FGL1: variants seen among roughly 807,000 people sequenced by gnomAD.
FGL1 encodes the protein fibrinogen-like protein 1.
FGL1 carries 59 observed loss-of-function variants against 43.7 expected under a neutral mutation model. The ratio of observed to expected loss-of-function variants is 1.35; its 90% CI spans 1.10 to 1.68. The LOEUF (loss-of-function observed/expected upper bound fraction) is 1.68, where lower values mean the gene tolerates loss of function less well. Ranked by LOEUF, FGL1 falls within the 40% of genes most tolerant of loss-of-function variation. The pLI, the probability that FGL1 is intolerant of heterozygous loss-of-function variation, is 0.00. For missense variants in FGL1, 596 were observed against 373.0 expected, an observed-to-expected ratio of 1.60 and a Z score of -4.92; for synonymous variants, 192 against 126.5, an observed-to-expected ratio of 1.52 and a Z score of -3.48.
intron 7 of FGL1, 70 bp from the exon 8 acceptor site, chr8:17,864,821 T>C (rs1002018540): frequency 1.4e-5 from 18 of 1,262,762 alleles, no homozygotes; most frequent in Non-Finnish European, 1.7e-5. Flanking sequence ...ATCCCTTTTA[T>C]TTTGCTACAA....
chr8:17,864,970 G>C (rs1002516771), intron 7 of FGL1, among the ~76,000 whole-genome samples: 5 of 150,950 alleles, frequency 3.3e-5, no homozygotes, highest in African/African-American at 9.8e-5. Context: ...TTTAATAATA[G>C]AGACAGTGTC....
intron 5 of FGL1, among the ~76,000 whole-genome samples, chr8:17,871,787 G>A (rs2053365998): frequency 6.6e-6 from 1 of 152,114 alleles, no homozygotes; most frequent in Non-Finnish European, 1.5e-5. Context: ...CCCAGGAACT[G>A]AAAAACACGT....
chr8:17,881,074 A>C (rs147314205), intron 3 of FGL1, among the ~76,000 whole-genome samples: 93 of 152,270 alleles, frequency 6.1e-4, no homozygotes, highest in African/African-American at 2.0e-3. Context: ...GCAACAAGGA[A>C]AGATACACAA....
rs575503659 is a variant in FGL1, at chr8:17,881,599, C to T, written c.244+400G>A. ...CTGTAATCCCAGCACTTTGGGAGGC[C>T]GAGGCAGGCGAATCACAAGGTCAGG... On this transcript the variant is annotated intron_variant, in intron 3 of 7. Coordinates refer to ENST00000427924, the MANE Select transcript of FGL1 (RefSeq NM_004467.4). 1.8e-3 allele frequency among the ~76,000 whole-genome samples: 271 copies of T among 151,222 alleles called. 1 individual carries two copies. The highest frequency in any genetic ancestry group is 7.1e-3 in the South Asian group (34 of 4,794).
At chr8:17,870,140 A>G (rs951783770) in intron 5 of FGL1, among the ~76,000 whole-genome samples, 1 of 152,110 alleles carries the variant, frequency 6.6e-6, no homozygotes. Flanking sequence ...AAAAAAGAAT[A>G]CAATGTATTG....
chr8:17,881,418 A>G (rs1006010229), intron 3 of FGL1, among the ~76,000 whole-genome samples: 1 of 150,950 alleles, frequency 6.6e-6, no homozygotes, highest in Non-Finnish European at 1.5e-5. Context: ...TACAGGCGTG[A>G]GCCACCGCAC....
rs771850046 is a variant in FGL1, at chr8:17,868,943, A to G, written c.564T>C (p.Tyr188=). 6.2e-7 allele frequency: 1 copy of G among 1,603,450 alleles called. No homozygotes were observed. The highest frequency in any genetic ancestry group is 8.5e-7 in the Non-Finnish European group (1 of 1,176,754). The change falls in exon 6 of 8, where the codon TAT becomes TAC. Residue 188 remains tyrosine, a synonymous_variant. Transcript: ENST00000427924. ...DFEKNSRYAQ[Y]KNFKVGDEKN... ...TTTCATCTCCAACTTTGAAATTCTT[A>G]TATTGTGCATAACGGCTATTTTTTT...
At chr8:17,870,357 C>T (rs2053339840) in intron 5 of FGL1, among the ~76,000 whole-genome samples, 1 of 151,936 alleles carries the variant, frequency 6.6e-6, no homozygotes, top group Non-Finnish European at 1.5e-5. Flanking sequence ...TTTTCAGAAA[C>T]AGAACTCTTG....
At chr8:17,875,605 C>CTT (rs1220542577) in intron 3 of FGL1, among the ~76,000 whole-genome samples, 3 of 137,042 alleles carry the variant, frequency 2.2e-5, no homozygotes, top group African/African-American at 8.3e-5. Context: ...TTCTTTCTTT[C>CTT]TTTCTTTCTT....
At chr8:17,879,011 A>G (rs1473606859) in intron 3 of FGL1, among the ~76,000 whole-genome samples, 3 of 141,430 alleles carry the variant, frequency 2.1e-5, no homozygotes, top group Non-Finnish European at 3.1e-5. Context: ...ATGCTAAAAT[A>G]TAAAGAACAA....
At chr8:17,879,945 T>G (rs1311683759) in intron 3 of FGL1, among the ~76,000 whole-genome samples, 2 of 152,130 alleles carry the variant, frequency 1.3e-5, no homozygotes, top group Non-Finnish European at 2.9e-5. Flanking sequence ...TGGGCTTGGT[T>G]TGAAATTTGG....
chr8:17,874,020 T>A lies in FGL1; in HGVS notation c.501A>T (p.Gln167His). 1.3e-6 allele frequency: 2 copies of A among 1,596,942 alleles called. No homozygotes were observed. The highest frequency in any genetic ancestry group is 1.7e-6 in the Non-Finnish European group (2 of 1,174,208). The change falls in exon 5 of 8, where the codon CAA (glutamine) becomes CAT (histidine). Residue 167 changes from glutamine to histidine, a missense_variant and splice_region_variant. Transcript: ENST00000427924. ...AATCTGACATCATTCAAACCTTACC[T>A]TGAGTGGTCAAGAAGTGAAGATTTT... The part of the protein sequence containing the change: ...GNKNLHFLTT[Q>H]EDYTLKIDLA...
intron 1 of FGL1, among the ~76,000 whole-genome samples, chr8:17,890,970 C>T (rs562947437): frequency 2.3e-4 from 35 of 152,228 alleles, no homozygotes; most frequent in Non-Finnish European, 3.7e-4. Context: ...TGGAGACACA[C>T]GCAAACAACA....
intron 7 of FGL1, among the ~76,000 whole-genome samples, chr8:17,865,304 GGTGA>G (rs1351655975): frequency 6.6e-6 from 1 of 152,102 alleles, no homozygotes; most frequent in East Asian, 1.9e-4. Flanking sequence ...CAAGAGCTAA[GGTGA>G]GTGTCAGCAA....
At chr8:17,873,948 T>A in intron 5 of FGL1, 71 bp downstream of exon 5, 1 of 1,123,318 alleles carries the variant, frequency 8.9e-7, no homozygotes. Flanking sequence ...TTGCCTATAA[T>A]TTGGTTAAAA....
At chr8:17,889,352 C>G (rs1032293191) in intron 1 of FGL1, among the ~76,000 whole-genome samples, 1 of 152,142 alleles carries the variant, frequency 6.6e-6, no homozygotes, top group Non-Finnish European at 1.5e-5. Context: ...GAGTTCAAGA[C>G]CAGCCTGGCC....
chr8:17,873,874 G>T, intron 5 of FGL1, 145 bp downstream of exon 5: 18 of 463,504 alleles, frequency 3.9e-5, no homozygotes, highest in South Asian at 1.7e-4. Flanking sequence ...TTTTACATTT[G>T]GGATTATTGC....
intron 5 of FGL1, among the ~76,000 whole-genome samples, chr8:17,872,302 T>TTTATTATTATTATTA (rs10528958): frequency 0.48 from 70,109 of 146,618 alleles, 18,933 homozygotes; most frequent in Non-Finnish European, 0.62. Flanking sequence ...TCTTAATTAC[T>TTTATTATTATTATTA]TTATTATTAT....
intron 3 of FGL1, 51 bp downstream of exon 3, chr8:17,881,948 A>C (rs7000356): frequency 4.7e-6 from 7 of 1,489,584 alleles, no homozygotes; most frequent in Non-Finnish European, 6.5e-6. Flanking sequence ...ATCACTGTAC[A>C]TGGGTGCATA....
Sources: gnomAD v4.1 joint callset for allele counts (sites outside exome capture counted in the v4.1 genomes callset) on GRCh38, gnomAD v4.1.1 for gene constraint, MANE v1.5 for transcripts, NCBI Gene and HGNC (gene_info 2026-07-23, HGNC 2026-07-21) for gene names.